Variants in SLC2A11 observed in about 807,000 individuals in gnomAD.
The protein encoded by SLC2A11 is solute carrier family 2, facilitated glucose transporter member 11.
SLC2A11 carries 43 observed loss-of-function variants against 52.1 expected under a neutral mutation model. That is an observed-to-expected ratio of 0.82 (90% confidence interval 0.65 to 1.06). The LOEUF is 1.06. SLC2A11 is among the 50% of genes least tolerant of loss of function. SLC2A11 has a pLI of 0.00. For missense variants in SLC2A11, 582 were observed against 654.2 expected (o/e 0.89, Z 1.20); for synonymous variants, 261 against 277.6 (o/e 0.94, Z 0.59).
intron 3 of SLC2A11, chr22:23,869,015 G>A (rs997845143): frequency 3.4e-5 from 7 of 204,678 alleles, no homozygotes; most frequent in African/African-American, 1.6e-4. Flanking sequence ...GTAATAGCTG[G>A]AAGGATAGTG....
rs2032844790 is a variant in SLC2A11, at chr22:23,882,442, C to T, written c.695-17C>T. ...GGCTTGGGGACGGGGAGCTCAGTAC[C>T]CTCCTCCCTGGCTCAGCACTACGGC... is the stretch of plus-strand genomic sequence containing the variant. On this transcript the variant is annotated splice_polypyrimidine_tract_variant and intron_variant, in intron 6 of 11. Transcript: ENST00000316185. 3 of 1,517,332 alleles carry T rather than the reference C, an allele frequency of 2.0e-6. No individual in the cohort carries two copies. The highest frequency in any genetic ancestry group is 2.6e-6 in the Non-Finnish European group (3 of 1,134,646). The allele number at this position is 1,517,332 out of a possible 1,614,324, so 94.0% of individuals were successfully genotyped here.
intron 3 of SLC2A11, chr22:23,869,944 T>G: frequency 1.4e-6 from 1 of 714,382 alleles, no homozygotes; most frequent in African/African-American, 1.7e-5. Flanking sequence ...CCTCCAGCCC[T>G]TTTATAAAGC....
chr22:23,864,057 G>C (rs1048017908), intron 2 of SLC2A11, among the ~76,000 whole-genome samples: 1 of 152,158 alleles, frequency 6.6e-6, no homozygotes, highest in African/African-American at 2.4e-5. Context: ...AAGAGCCTGA[G>C]GGGCTGGTTT....
chr22:23,858,375 C>G (rs910074143), intron 1 of SLC2A11, among the ~76,000 whole-genome samples: 9 of 152,200 alleles, frequency 5.9e-5, no homozygotes, highest in Non-Finnish European at 1.0e-4. Flanking sequence ...TTCCCACCCC[C>G]GCCTCTTTCC....
At chr22:23,857,587 C>CCG, upstream of SLC2A11, 5 of 1,452,774 alleles carry the variant, frequency 3.4e-6, no homozygotes, top group East Asian at 4.7e-5. Flanking sequence ...ACCCCCCCCC[C>CCG]GCGGCGGCGA....
chr22:23,875,339 TATTC>T (rs1326089086), intron 4 of SLC2A11, 98 bp downstream of exon 4: 3 of 1,241,078 alleles, frequency 2.4e-6, no homozygotes, highest in Non-Finnish European at 3.1e-6. Flanking sequence ...TTCCTCCCTT[TATTC>T]ATTCATTTAT....
At position 23,862,200 on chromosome 22, in the gene SLC2A11, T is replaced by A. The variant is rs1462659132; in HGVS notation, c.127T>A (p.Leu43Met). 2 of 1,613,882 alleles carry A rather than the reference T, an allele frequency of 1.2e-6. No homozygotes were observed. The highest frequency in any genetic ancestry group is 1.7e-6 in the Non-Finnish European group (2 of 1,179,876). Reference sequence around the variant, plus strand: ...CCTCTCTATCATCAATGCCCCGACCTTGGTATGTATCCTCTCTGGGTGGAG... The same window carrying A: ...CCTCTCTATCATCAATGCCCCGACCATGGTATGTATCCTCTCTGGGTGGAG... ...YNLSIINAPT[L>M]HIQEFTNETW... Residue 43 changes from leucine to methionine, a missense_variant and splice_region_variant, in exon 2 of 12, where the codon TTG becomes ATG. Coordinates refer to ENST00000316185, the MANE Select transcript of SLC2A11 (RefSeq NM_001024939.4).
At chr22:23,875,000 A>G in intron 3 of SLC2A11, 117 bp from the exon 4 acceptor site, 1 of 1,229,280 alleles carries the variant, frequency 8.1e-7, no homozygotes, top group Non-Finnish European at 1.1e-6. Flanking sequence ...GGCATACTAC[A>G]TACATTTGTG....
rs767633773 is a variant in SLC2A11 at position 23,885,007 on chromosome 22, G to A, written c.*158G>A. On this transcript the variant is annotated 3_prime_UTR_variant, in exon 12 of 12. Coordinates refer to ENST00000316185, the MANE Select transcript of SLC2A11 (RefSeq NM_001024939.4). The stretch of plus-strand genomic sequence containing the variant: ...GGCTCCAGGTGCTTAGCAATCAATG[G>A]TGAGCGTGGTATTCCAGGCTAAAGG... The A allele has an allele frequency of 8.2e-6, 5 of 611,992 alleles. No individual in the cohort carries two copies. Among genetic ancestry groups the A allele is most frequent in the East Asian group, 2.8e-5 (1 of 35,386 alleles). 37.9% of individuals were successfully genotyped at this position (611,992 alleles called of 1,614,324 possible).
At chr22:23,882,083 G>A (rs1407975532) in intron 6 of SLC2A11, 1 of 250,190 alleles carries the variant, frequency 4.0e-6, no homozygotes, top group African/African-American at 2.7e-5. Context: ...CACACACACA[G>A]AGACACACAC....
chr22:23,860,305 T>C lies in SLC2A11; in HGVS notation c.31-1799T>C, dbSNP rs1007960082. Among the ~76,000 whole-genome samples, 9 of 152,228 alleles carry C rather than the reference T, an allele frequency of 5.9e-5. 1 individual carries two copies. Among genetic ancestry groups the C allele is most frequent in the Non-Finnish European group, 1.0e-4 (7 of 68,004 alleles). On this transcript the variant is annotated intron_variant, in intron 1 of 11. Coordinates refer to ENST00000316185, the MANE Select transcript of SLC2A11 (RefSeq NM_001024939.4). ...GGTGTGTGCCTGTAGTCCCAGCTAC[T>C]TGGGGGGCTGAGGTGGGAGGATCGC...
At chr22:23,883,474 C>G in intron 8 of SLC2A11, 1 of 420,960 alleles carries the variant, frequency 2.4e-6, no homozygotes. Flanking sequence ...CCTGTCTCAG[C>G]TCAGTGAGAC....
upstream of SLC2A11, chr22:23,857,740 T>TA (rs2146097656): frequency 7.7e-7 from 1 of 1,300,432 alleles, no homozygotes; most frequent in Admixed American, 2.7e-5. Context: ...GTCTCAGGCC[T>TA]TAGTCCCGGC....
intron 5 of SLC2A11, 150 bp from the exon 6 acceptor site, chr22:23,877,571 G>A (rs1014527743): frequency 1.2e-4 from 131 of 1,055,626 alleles, no homozygotes; most frequent in Middle Eastern, 5.1e-4. Context: ...TGGGTGGGAG[G>A]GATCTTGATG....
chr22:23,861,970 C>T (rs893766930), intron 1 of SLC2A11, 134 bp from the exon 2 acceptor site: 17 of 763,648 alleles, frequency 2.2e-5, no homozygotes, highest in Non-Finnish European at 3.4e-5. Context: ...CTCTGTGCCT[C>T]ACTTTCCTCA....
chr22:23,874,690 G>A (rs2032558752), intron 3 of SLC2A11, among the ~76,000 whole-genome samples: 1 of 151,980 alleles, frequency 6.6e-6, no homozygotes, highest in African/African-American at 2.4e-5. Flanking sequence ...GACCTTAGGT[G>A]ATCCACCCAC....
chr22:23,882,387 G>C lies in SLC2A11; in HGVS notation c.695-72G>C, dbSNP rs189336204. Reference sequence around the variant, plus strand: ...GAAGGAAAGGAATGGTGGGATGGAGGGGGGCGTCCCTGTAGGGGGACCAAA... The same window carrying C: ...GAAGGAAAGGAATGGTGGGATGGAGCGGGGCGTCCCTGTAGGGGGACCAAA... On this transcript the variant is annotated intron_variant, in intron 6 of 11. Transcript: ENST00000316185. The C allele has an allele frequency of 9.2e-4, 1,223 of 1,329,844 alleles. 24 individuals are homozygous for C. In the Admixed American group the frequency reaches 0.027, roughly 30 times the overall value. 82.4% of individuals were successfully genotyped at this position (1,329,844 alleles called of 1,614,324 possible).
intron 4 of SLC2A11, 39 bp downstream of exon 4, chr22:23,875,280 TATTA>T (rs2032582808): frequency 7.4e-7 from 1 of 1,346,990 alleles, no homozygotes; most frequent in African/African-American, 1.5e-5. Context: ...TCTCTATGCC[TATTA>T]ATTAATAAAT....
Position 23,882,623 on chromosome 22 carries a change from A to G in SLC2A11, c.859A>G (p.Met287Val), listed in dbSNP as rs1356836479. 1 of 1,613,142 alleles carries G rather than the reference A, an allele frequency of 6.2e-7. No individual in the cohort carries two copies. The highest frequency in any genetic ancestry group is 1.7e-5 in the Admixed American group (1 of 59,962). The change falls in exon 7 of 12, where the codon ATG (methionine) becomes GTG (valine). Residue 287 changes from methionine to valine, a missense_variant. Met to Val is a conservative substitution (Grantham distance 21). Coordinates refer to ENST00000316185, the MANE Select transcript of SLC2A11 (RefSeq NM_001024939.4). Reference protein sequence around the residue: ...VTSLVVLGSAMELCGNDSVYA... With the variant: ...VTSLVVLGSAVELCGNDSVYA... Reference sequence around the variant, plus strand: ...AAGCCTCGTGGTTCTGGGCAGTGCCATGGAGCTCTGCGGGAATGACTCGGT... The same window carrying G: ...AAGCCTCGTGGTTCTGGGCAGTGCCGTGGAGCTCTGCGGGAATGACTCGGT...
Sources: allele counts gnomAD v4.1 joint callset (sites outside exome capture counted in the v4.1 genomes callset), GRCh38; gene constraint gnomAD v4.1.1; transcripts MANE v1.5; gene names NCBI Gene and HGNC (gene_info 2026-07-23, HGNC 2026-07-21).